The following COL23A1 variants were observed in gnomAD, a reference collection of about 807,000 sequenced individuals.
The protein encoded by COL23A1 is collagen alpha-1(XXIII) chain.
In COL23A1, 97 loss-of-function variants were observed where a neutral mutation model predicts 99.3. The ratio of observed to expected loss-of-function variants is 0.98; its 90% CI spans 0.83 to 1.16. The LOEUF is 1.16. COL23A1 is among the 50% of genes most tolerant of loss of function. The pLI is 0.00. For missense variants in COL23A1, 762 were observed against 757.4 expected (o/e 1.01, Z -0.07); for synonymous variants, 320 against 308.2 (o/e 1.04, Z -0.40).
In COL23A1 at chr5:178,544,482, T is replaced by G. The variant is rs1467153577; in HGVS notation, c.361+16200A>C. On this transcript the variant is annotated intron_variant, in intron 2 of 28. Coordinates refer to ENST00000390654, the MANE Select transcript of COL23A1 (RefSeq NM_173465.4). The surrounding 1 kb of genome is among the most constrained non-coding windows in gnomAD (Gnocchi z 4.4). ...AGTCTCCCTCAGATGGGGTCCCCTG[T>G]TCTCTCCACCTGCCCCAGAAAACAG... Among the ~76,000 whole-genome samples, 1 of 152,156 alleles carries G rather than the reference T, an allele frequency of 6.6e-6. No homozygotes were observed. Among genetic ancestry groups the G allele is most frequent in the African/African-American group, 2.4e-5 (1 of 41,436 alleles).
chr5:178,438,694 A>C (rs1446801253), intron 2 of COL23A1: 1 of 150,370 alleles, frequency 6.7e-6, no homozygotes, highest in Non-Finnish European at 1.5e-5. Flanking sequence ...GCTTCAGAAA[A>C]ATAATCTGTA....
At chr5:178,377,040 AT>A (rs1259362142) in intron 2 of COL23A1, among the ~76,000 whole-genome samples, 8 of 152,180 alleles carry the variant, frequency 5.3e-5, no homozygotes, top group African/African-American at 1.9e-4. Context: ...CGGCTGGAGG[AT>A]GTCTCAAGGA....
chr5:178,577,805 C>CTT (rs960825591), intron 1 of COL23A1, among the ~76,000 whole-genome samples: 3 of 152,260 alleles, frequency 2.0e-5, no homozygotes, highest in Non-Finnish European at 4.4e-5. Flanking sequence ...GGTCAACCAA[C>CTT]TTGTCCCAGG....
At chr5:178,408,291 C>A (rs1317976560) in intron 2 of COL23A1, among the ~76,000 whole-genome samples, 2 of 151,978 alleles carry the variant, frequency 1.3e-5, no homozygotes, top group African/African-American at 4.8e-5. Context: ...CAAGTTGTCA[C>A]CAGCAGACCT....
chr5:178,249,203 G>C lies in COL23A1; in HGVS notation c.1063C>G (p.Pro355Ala), dbSNP rs1398527127. ...GAPGIDGEKG[P>A]KGQKGDPGEP... ...CCTGGGTCTCCTTTCTGTCCTTTGG[G>C]GCCCTGAAAGCCATAAGCACAAGGG... The change falls in exon 19 of 29, where the codon CCC becomes GCC. Residue 355 changes from proline (P) to alanine (A), a missense_variant. By Grantham distance (27) the Pro-to-Ala change is conservative. Coordinates refer to ENST00000390654, the MANE Select transcript of COL23A1 (RefSeq NM_173465.4). The C allele has an allele frequency of 6.2e-7, 1 of 1,614,058 alleles. No individual in the cohort carries two copies. Among genetic ancestry groups the C allele is most frequent in the African/African-American group, 1.3e-5 (1 of 74,940 alleles).
intron 1 of COL23A1, among the ~76,000 whole-genome samples, chr5:178,578,062 T>TGC (rs1459609995): frequency 6.6e-6 from 1 of 151,830 alleles, no homozygotes; most frequent in Admixed American, 6.6e-5. Context: ...CACACCCACA[T>TGC]GCACACACAC....
chr5:178,264,461 G>T (rs1011108136), intron 8 of COL23A1, among the ~76,000 whole-genome samples: 4 of 152,006 alleles, frequency 2.6e-5, no homozygotes, highest in African/African-American at 9.7e-5. Context: ...CCACCTCATG[G>T]CCCAACCCGA....
chr5:178,541,516 A>G (rs1234494294), intron 2 of COL23A1, among the ~76,000 whole-genome samples: 1 of 152,190 alleles, frequency 6.6e-6, no homozygotes, highest in Non-Finnish European at 1.5e-5. Flanking sequence ...TGGAGGTTGC[A>G]GTGATCTGAG....
At chr5:178,557,461 C>G (rs1345414399) in intron 2 of COL23A1, among the ~76,000 whole-genome samples, 2 of 152,184 alleles carry the variant, frequency 1.3e-5, no homozygotes, top group South Asian at 4.1e-4. Flanking sequence ...CAGGGCCCCC[C>G]GCCAGTCCTC....
intron 5 of COL23A1, among the ~76,000 whole-genome samples, chr5:178,273,864 C>G (rs111982755): frequency 2.8e-4 from 43 of 152,324 alleles, no homozygotes; most frequent in African/African-American, 9.9e-4. Flanking sequence ...ATGCACCTAC[C>G]TGGCTTGGGG....
chr5:178,282,484 C>A (rs1479434318), intron 5 of COL23A1, among the ~76,000 whole-genome samples: 1 of 152,188 alleles, frequency 6.6e-6, no homozygotes, highest in East Asian at 1.9e-4. Context: ...AATAAGCAGC[C>A]CATCCTGGCC....
At chr5:178,549,751 G>T (rs1249389818) in intron 2 of COL23A1, among the ~76,000 whole-genome samples, 1 of 152,122 alleles carries the variant, frequency 6.6e-6, no homozygotes, top group Non-Finnish European at 1.5e-5. Context: ...GGAGGCAGAG[G>T]TTGCAGTGAG....
intron 2 of COL23A1, among the ~76,000 whole-genome samples, chr5:178,325,800 T>C (rs533006461): frequency 6.6e-6 from 1 of 152,320 alleles, no homozygotes; most frequent in East Asian, 1.9e-4. Context: ...TTCCAGGGTG[T>C]CCACAGCGGC....
intron 2 of COL23A1, among the ~76,000 whole-genome samples, chr5:178,341,979 C>A (rs527589800): frequency 6.6e-6 from 1 of 152,264 alleles, no homozygotes; most frequent in African/African-American, 2.4e-5. Flanking sequence ...TACCATTTTT[C>A]GTAACACACC....
chr5:178,550,743 AG>A (rs1471501919), intron 2 of COL23A1, among the ~76,000 whole-genome samples: 1 of 152,088 alleles, frequency 6.6e-6, no homozygotes, highest in Non-Finnish European at 1.5e-5. Context: ...CTCCTGGCAT[AG>A]GGGGGCGTGT....
intron 2 of COL23A1, among the ~76,000 whole-genome samples, chr5:178,394,803 A>G (rs1026180700): frequency 1.1e-4 from 17 of 152,218 alleles, no homozygotes; most frequent in Non-Finnish European, 2.4e-4. Flanking sequence ...GGTCTCGGGC[A>G]AGGGCTGAGG....
chr5:178,272,892 CCACT>C lies in COL23A1; in HGVS notation c.442-2533_442-2530del, dbSNP rs145711890. Among the ~76,000 whole-genome samples the C allele has an allele frequency of 4.1e-3, 626 of 152,290 alleles. 1 individual carries two copies. The highest frequency in any genetic ancestry group is 0.015 in the African/African-American group (608 of 41,552). ...CTCTTCAAGGAGCTCTTCGTGGCCCCCACTCAGTCTCAGTCACACAGCAACCCTG... is the reference window on the plus strand; with the variant it reads ...CTCTTCAAGGAGCTCTTCGTGGCCCCCAGTCTCAGTCACACAGCAACCCTG... On this transcript the variant is annotated intron_variant, in intron 5 of 28. Transcript: ENST00000390654.
chr5:178,578,063 G>GCA (rs951809708), intron 1 of COL23A1, among the ~76,000 whole-genome samples: 1 of 151,152 alleles, frequency 6.6e-6, no homozygotes, highest in Non-Finnish European at 1.5e-5. Flanking sequence ...ACACCCACAT[G>GCA]CACACACACA....
intron 1 of COL23A1, among the ~76,000 whole-genome samples, chr5:178,573,854 G>T (rs1378458182): frequency 2.2e-5 from 3 of 134,808 alleles, no homozygotes; most frequent in Non-Finnish European, 4.8e-5. Context: ...CATACCATAG[G>T]GTTCTTTTTT....
Sources: gnomAD v4.1 joint callset for allele counts (sites outside exome capture counted in the v4.1 genomes callset) on GRCh38, gnomAD v4.1.1 for gene constraint, Gnocchi (gnomAD v3.1) non-coding constraint, MANE v1.5 for transcripts, NCBI Gene and HGNC (gene_info 2026-07-23, HGNC 2026-07-21) for gene names.